The following PRICKLE2 variants were observed in gnomAD, a reference collection of about 807,000 sequenced individuals.
PRICKLE2 encodes the protein prickle planar cell polarity protein 2.
A neutral mutation model predicts 81.4 loss-of-function variants in PRICKLE2; 21 were observed. That is an observed-to-expected ratio of 0.26 (90% confidence interval 0.18 to 0.37). The LOEUF (loss-of-function observed/expected upper bound fraction) is 0.37. PRICKLE2 is among the 10% of genes least tolerant of loss of function. PRICKLE2 has a pLI of 1.00. For missense variants in PRICKLE2, 940 were observed against 1,109.0 expected, an observed-to-expected ratio of 0.85 and a Z score of 2.16; for synonymous variants, 456 against 421.5, an observed-to-expected ratio of 1.08 and a Z score of -1.00.
At chr3:64,185,741 G>A (rs2078217647) in intron 2 of PRICKLE2, among the ~76,000 whole-genome samples, 1 of 152,200 alleles carries the variant, frequency 6.6e-6, no homozygotes, top group African/African-American at 2.4e-5. Flanking sequence ...CTTCCTGTTT[G>A]CTAAAGAGTA....
intron 2 of PRICKLE2, among the ~76,000 whole-genome samples, chr3:64,167,750 G>A (rs2077859327): frequency 6.6e-6 from 1 of 152,188 alleles, no homozygotes; most frequent in South Asian, 2.1e-4. Flanking sequence ...AGTGTGCAAA[G>A]CACTTTATTT....
intron 2 of PRICKLE2, among the ~76,000 whole-genome samples, chr3:64,197,567 G>C (rs1019322576): frequency 4.6e-5 from 7 of 152,180 alleles, no homozygotes; most frequent in Admixed American, 4.6e-4. Flanking sequence ...CATGCACAGA[G>C]TTGGAGGCCA....
chr3:64,149,374 G>C (rs1166730270), intron 6 of PRICKLE2, among the ~76,000 whole-genome samples: 1 of 152,210 alleles, frequency 6.6e-6, no homozygotes, highest in Non-Finnish European at 1.5e-5. Flanking sequence ...ACCTCTCATT[G>C]CTTTTTCTAA....
intron 7 of PRICKLE2, among the ~76,000 whole-genome samples, chr3:64,139,315 G>GT (rs1323923941): frequency 3.3e-5 from 5 of 152,110 alleles, no homozygotes; most frequent in Non-Finnish European, 5.9e-5. Flanking sequence ...GCTGGCCTGA[G>GT]TAAAAAAAAC....
At chr3:64,246,980 A>AT (rs1384973367) in intron 2 of PRICKLE2, among the ~76,000 whole-genome samples, 1 of 152,212 alleles carries the variant, frequency 6.6e-6, no homozygotes, top group Admixed American at 6.5e-5. Flanking sequence ...AAGCTCCGAA[A>AT]TACAGCCTCC....
intron 2 of PRICKLE2, among the ~76,000 whole-genome samples, chr3:64,195,090 C>A (rs145255088): frequency 1.6e-4 from 24 of 152,220 alleles, no homozygotes; most frequent in African/African-American, 5.8e-4. Context: ...AGATGATCAA[C>A]TAGGGGCATA....
chr3:64,217,403 G>T (rs1478916946), intron 1 of PRICKLE2, among the ~76,000 whole-genome samples: 2 of 152,176 alleles, frequency 1.3e-5, no homozygotes, highest in Non-Finnish European at 2.9e-5. Context: ...TAGTGATGAA[G>T]TCTGGGCTTT....
intron 5 of PRICKLE2, among the ~76,000 whole-genome samples, chr3:64,155,228 CA>C (rs1316497901): frequency 1.1e-4 from 16 of 141,018 alleles, no homozygotes; most frequent in African/African-American, 3.6e-4. Context: ...AAAATTTTTT[CA>C]GACATTTCTC....
intron 7 of PRICKLE2, among the ~76,000 whole-genome samples, chr3:64,114,508 G>A (rs1028406294): frequency 6.6e-6 from 1 of 152,038 alleles, no homozygotes; most frequent in African/African-American, 2.4e-5. Flanking sequence ...AGACAAAATA[G>A]CCAATATAGA....
At chr3:64,216,548 A>G (rs1389813367) in intron 1 of PRICKLE2, among the ~76,000 whole-genome samples, 1 of 152,234 alleles carries the variant, frequency 6.6e-6, no homozygotes, top group Non-Finnish European at 1.5e-5. Flanking sequence ...AGCACATGAT[A>G]TCATAGTTAC....
At chr3:64,145,369 G>A (rs897073366) in intron 7 of PRICKLE2, 14 of 144,396 alleles carry the variant, frequency 9.7e-5, no homozygotes, top group African/African-American at 1.8e-4. Flanking sequence ...ATATACACAC[G>A]CTATATATTT....
At position 64,216,975 on chromosome 3, in the gene PRICKLE2, T is replaced by C. The variant is rs560556204; in HGVS notation, c.-41+7935A>G. ...AGATGATGAACTCAAAAGCAAGTAA[T>C]AGACTCAGGCAGCGATTTAAATGAA... is the stretch of plus-strand genomic sequence containing the variant. On this transcript the variant is annotated intron_variant, in intron 1 of 7. Transcript: ENST00000638394. 2.6e-5 allele frequency among the ~76,000 whole-genome samples: 4 copies of C among 152,252 alleles called. No homozygotes were observed. In the South Asian group the frequency reaches 8.3e-4, roughly 32 times the overall value.
chr3:64,246,965 A>C (rs969940992), intron 2 of PRICKLE2, among the ~76,000 whole-genome samples: 2 of 152,192 alleles, frequency 1.3e-5, no homozygotes, highest in African/African-American at 4.8e-5. Flanking sequence ...ATACTTATTC[A>C]CAGGAAGCTC....
chr3:64,104,840 C>T (rs925183776), intron 7 of PRICKLE2: 2 of 152,190 alleles, frequency 1.3e-5, no homozygotes, highest in African/African-American at 2.4e-5. Flanking sequence ...CTCAGATTTT[C>T]CTCCAGGGTC....
In PRICKLE2 at chr3:64,261,666, A is replaced by T. The variant is rs1575727255; in HGVS notation, c.129-62699T>A. On this transcript the variant is annotated intron_variant, in intron 2 of 8. Coordinates refer to the PRICKLE2 transcript ENST00000295902. ...CAAAGATCTATGGGAAGAGCATTCC[A>T]AGCAGAAAGAACAGCAAGCACAAAG... Among the ~76,000 whole-genome samples the T allele has an allele frequency of 3.3e-5, 5 of 152,192 alleles. No homozygotes were observed. The South Asian group carries it at 1.0e-3, about 32-fold the overall frequency.
chr3:64,128,940 T>A (rs900282110), intron 7 of PRICKLE2, among the ~76,000 whole-genome samples: 2 of 151,842 alleles, frequency 1.3e-5, no homozygotes, highest in African/African-American at 4.8e-5. Context: ...ACTTCGACAC[T>A]GTTGATATTT....
intron 2 of PRICKLE2, among the ~76,000 whole-genome samples, chr3:64,171,359 T>G (rs1007720631): frequency 2.0e-5 from 3 of 152,212 alleles, no homozygotes; most frequent in African/African-American, 7.2e-5. Flanking sequence ...TTGGCACATA[T>G]AGTGGGTAGA....
At chr3:64,234,254 G>A (rs1439473621) in intron 2 of PRICKLE2, among the ~76,000 whole-genome samples, 1 of 151,994 alleles carries the variant, frequency 6.6e-6, no homozygotes, top group Non-Finnish European at 1.5e-5. Flanking sequence ...GTTTTTCAAA[G>A]TGCTCCTCCA....
chr3:64,211,763 T>C (rs967618664), intron 1 of PRICKLE2, among the ~76,000 whole-genome samples: 6 of 152,240 alleles, frequency 3.9e-5, no homozygotes, highest in South Asian at 2.1e-4. Flanking sequence ...TGTTAGCCAC[T>C]GTGCTACAGA....
Sources: allele counts gnomAD v4.1 joint callset (sites outside exome capture counted in the v4.1 genomes callset), GRCh38; gene constraint gnomAD v4.1.1; transcripts MANE v1.5; gene names NCBI Gene and HGNC (gene_info 2026-07-23, HGNC 2026-07-21).